Variants in PRKCB observed in about 807,000 individuals in gnomAD.
PRKCB encodes the protein protein kinase C beta.
Under a neutral mutation model 81.5 loss-of-function variants are expected in PRKCB, and 13 were observed. The observed-to-expected ratio is 0.16, with a 90% CI of 0.10 to 0.25. The LOEUF (loss-of-function observed/expected upper bound fraction) is 0.25. Among genes scored for constraint, PRKCB ranks in the 10% least tolerant of loss-of-function variants. The probability of loss-of-function intolerance (pLI) is 1.00; values close to 1 mark genes in which losing one functional copy is unlikely to be tolerated. For missense variants in PRKCB, 509 were observed against 875.7 expected, an observed-to-expected ratio of 0.58 and a Z score of 5.29; for synonymous variants, 335 against 321.4, an observed-to-expected ratio of 1.04 and a Z score of -0.45.
chr16:24,043,605 A>C (rs527900968), intron 5 of PRKCB, among the ~76,000 whole-genome samples: 108 of 152,298 alleles, frequency 7.1e-4, no homozygotes, highest in African/African-American at 2.5e-3. Context: ...TGTCTCAGGC[A>C]CTGAAGTTTT....
At chr16:24,064,994 G>GTA (rs201976502) in intron 5 of PRKCB, among the ~76,000 whole-genome samples, 2,448 of 145,856 alleles carry the variant, frequency 0.017, 67 homozygotes, top group African/African-American at 0.056. Context: ...TGGTGTGTGT[G>GTA]TATATATATA....
rs542887393 is a variant in PRKCB at position 24,139,149 on chromosome 16, GC to G, written c.1065+15172del. Among the ~76,000 whole-genome samples, 335 of 151,774 alleles carry G rather than the reference GC, an allele frequency of 2.2e-3. 2 individuals are homozygous for G. Among genetic ancestry groups the G allele is most frequent in the African/African-American group, 7.8e-3 (321 of 41,312 alleles). ...TTACAGGCGTGAGCCACCGTGCCTG[GC>G]CCCAGTATTTGTCTTTTGGTGTCTG... On this transcript the variant is annotated intron_variant, in intron 9 of 16. Coordinates refer to ENST00000643927, the MANE Select transcript of PRKCB (RefSeq NM_002738.7).
rs114432037 is a variant in PRKCB, at chr16:24,176,191, G to A, written c.1394+1611G>A. On this transcript the variant is annotated intron_variant, in intron 12 of 16. Coordinates refer to ENST00000643927, the MANE Select transcript of PRKCB (RefSeq NM_002738.7). The stretch of plus-strand genomic sequence containing the variant: ...CTTATTCTGAGGGCACAAAGTCCCC[G>A]CCATTCCTACTTTCTCCTAATGATG... Among the ~76,000 whole-genome samples, 464 of 152,146 alleles carry A rather than the reference G, an allele frequency of 3.0e-3. 5 individuals are homozygous for A. Among genetic ancestry groups the A allele is most frequent in the African/African-American group, 0.011 (443 of 41,494 alleles).
intron 8 of PRKCB, among the ~76,000 whole-genome samples, chr16:24,119,158 T>G (rs1381863874): frequency 6.6e-6 from 1 of 151,696 alleles, no homozygotes; most frequent in Non-Finnish European, 1.5e-5. Context: ...TTATTAGACT[T>G]CTGATCTAGA....
At chr16:23,947,807 G>A (rs1964223050) in intron 2 of PRKCB, among the ~76,000 whole-genome samples, 1 of 151,680 alleles carries the variant, frequency 6.6e-6, no homozygotes, top group African/African-American at 2.4e-5. Context: ...TACTCATTGG[G>A]CACATATGAG....
intron 3 of PRKCB, among the ~76,000 whole-genome samples, chr16:24,002,526 G>T (rs1965051733): frequency 1.3e-5 from 2 of 151,990 alleles, no homozygotes; most frequent in South Asian, 4.2e-4. Context: ...TTTTTGTAGA[G>T]ACGGGGTTTC....
chr16:24,202,921 A>G (rs1277722288), intron 16 of PRKCB, among the ~76,000 whole-genome samples: 2 of 152,134 alleles, frequency 1.3e-5, no homozygotes, highest in African/African-American at 4.8e-5. Flanking sequence ...TGCTATAAGA[A>G]TACCTGAAAC....
At chr16:23,903,243 C>G (rs1181469412) in intron 2 of PRKCB, among the ~76,000 whole-genome samples, 2 of 147,536 alleles carry the variant, frequency 1.4e-5, no homozygotes, top group Non-Finnish European at 3.0e-5. Flanking sequence ...TGAGTAGGAT[C>G]CGGAAGGGAA....
chr16:23,938,027 G>A (rs1195647509), intron 2 of PRKCB, among the ~76,000 whole-genome samples: 1 of 152,198 alleles, frequency 6.6e-6, no homozygotes, highest in Non-Finnish European at 1.5e-5. Flanking sequence ...AGCTGCAGTG[G>A]ATGAGTGCTT....
chr16:24,130,638 G>A (rs1474336864), intron 9 of PRKCB, among the ~76,000 whole-genome samples: 1 of 152,062 alleles, frequency 6.6e-6, no homozygotes. Context: ...TAAGACAGGC[G>A]CGCCTGGCCA....
At chr16:23,944,565 A>G (rs950595084) in intron 2 of PRKCB, among the ~76,000 whole-genome samples, 2 of 152,214 alleles carry the variant, frequency 1.3e-5, no homozygotes, top group African/African-American at 4.8e-5. Context: ...ATGATCTCAC[A>G]TGATCTCATG....
At chr16:23,989,121 T>C (rs1386690452) in intron 3 of PRKCB, among the ~76,000 whole-genome samples, 1 of 152,060 alleles carries the variant, frequency 6.6e-6, no homozygotes, top group Non-Finnish European at 1.5e-5. Flanking sequence ...CCACTATGCC[T>C]GGCTAATTTT....
intron 16 of PRKCB, among the ~76,000 whole-genome samples, chr16:24,211,885 A>G (rs1418695082): frequency 6.6e-6 from 1 of 152,140 alleles, no homozygotes; most frequent in Admixed American, 6.5e-5. Context: ...CTCAGATAAG[A>G]AGTGAGCAGG....
intron 3 of PRKCB, among the ~76,000 whole-genome samples, chr16:24,018,851 C>T (rs17755585): frequency 0.13 from 19,450 of 152,212 alleles, 1,846 homozygotes; most frequent in South Asian, 0.31. Context: ...ATGTGCCATG[C>T]GTGTGTAATT....
At position 24,185,504 on chromosome 16, in the gene PRKCB, C is replaced by T. The variant is rs770775429; in HGVS notation, c.1659C>T (p.Ile553=). 1.1e-5 allele frequency: 18 copies of T among 1,614,042 alleles called. No homozygotes were observed. In the Admixed American group the frequency reaches 1.5e-4, roughly 13 times the overall value. The change falls in exon 15 of 17, where the codon ATC becomes ATT. Residue 553 remains isoleucine (I), a synonymous_variant. Transcript: ENST00000643927. ...GEDEDELFQS[I]MEHNVAYPKS... is the part of the protein sequence containing the mutation. ...ATGAAGATGAACTCTTCCAATCCAT[C>T]ATGGAACACAACGTAGCCTATCCCA...
At chr16:24,005,642 C>T (rs1411022044) in intron 3 of PRKCB, among the ~76,000 whole-genome samples, 1 of 152,176 alleles carries the variant, frequency 6.6e-6, no homozygotes, top group Non-Finnish European at 1.5e-5. Flanking sequence ...AGATTCTGGC[C>T]TCTGATAAGT....
chr16:24,036,064 A>C (rs1965614018), intron 5 of PRKCB, among the ~76,000 whole-genome samples: 1 of 152,154 alleles, frequency 6.6e-6, no homozygotes, highest in South Asian at 2.1e-4. Context: ...CTTTCCACAT[A>C]TTTGAAATAT....
intron 3 of PRKCB, among the ~76,000 whole-genome samples, chr16:24,001,875 G>A (rs967797866): frequency 6.6e-6 from 1 of 152,202 alleles, no homozygotes; most frequent in Non-Finnish European, 1.5e-5. Flanking sequence ...GACATTGGGA[G>A]TAGAGTAAGA....
intron 2 of PRKCB, among the ~76,000 whole-genome samples, chr16:23,889,264 G>T (rs778662893): frequency 6.6e-6 from 1 of 152,154 alleles, no homozygotes; most frequent in African/African-American, 2.4e-5. Context: ...CACTCACCAA[G>T]CATGTGATCT....
Sources: allele counts gnomAD v4.1 joint callset (sites outside exome capture counted in the v4.1 genomes callset), GRCh38; gene constraint gnomAD v4.1.1; transcripts MANE v1.5; gene names NCBI Gene and HGNC (gene_info 2026-07-23, HGNC 2026-07-21).